THSD7B: variants seen among roughly 807,000 people sequenced by gnomAD.
The protein encoded by THSD7B is thrombospondin type 1 domain containing 7B, also known as thrombospondin type-1 domain-containing protein 7B.
In THSD7B, 138 loss-of-function variants were observed where a neutral mutation model predicts 213.6. The observed-to-expected ratio is 0.65, with a 90% confidence interval of 0.56 to 0.74. THSD7B has a LOEUF of 0.74. Ranked by LOEUF, THSD7B falls within the 30% of genes least tolerant of loss-of-function variation. THSD7B has a pLI of 0.00. For synonymous variants in THSD7B, 742 were observed against 687.0 expected, an observed-to-expected ratio of 1.08 and a Z score of -1.25; for missense variants, 1,931 against 1,991.5, an observed-to-expected ratio of 0.97 and a Z score of 0.58.
chr2:137,576,629 T>C (rs1681465758), intron 17 of THSD7B, among the ~76,000 whole-genome samples: 1 of 152,116 alleles, frequency 6.6e-6, no homozygotes, highest in Non-Finnish European at 1.5e-5. Context: ...TTCTGTGCTT[T>C]ATTCTTTTCT....
At position 136,943,149 on chromosome 2, in the gene THSD7B, T is replaced by C. The variant is rs527487087; in HGVS notation, c.139+60832T>C. Among the ~76,000 whole-genome samples, 5 of 152,366 alleles carry C rather than the reference T, an allele frequency of 3.3e-5. No homozygotes were observed. The South Asian group carries it at 8.3e-4, about 25-fold the overall frequency. On this transcript the variant is annotated intron_variant, in intron 2 of 27. Coordinates refer to ENST00000409968, the MANE Select transcript of THSD7B (RefSeq NM_001316349.2). Reference sequence around the variant, plus strand: ...TCTACTGAGATAATCATGTGGTTTTTGTCATTGGTTCTGTTTATGTGATGG... The same window carrying C: ...TCTACTGAGATAATCATGTGGTTTTCGTCATTGGTTCTGTTTATGTGATGG...
At chr2:136,939,677 G>T (rs1684788441) in intron 2 of THSD7B, among the ~76,000 whole-genome samples, 1 of 152,098 alleles carries the variant, frequency 6.6e-6, no homozygotes, top group Non-Finnish European at 1.5e-5. Flanking sequence ...ACCATGGTGT[G>T]CACATCTTTA....
intron 3 of THSD7B, among the ~76,000 whole-genome samples, chr2:137,094,533 G>A (rs1321993399): frequency 6.6e-6 from 1 of 151,738 alleles, no homozygotes; most frequent in East Asian, 2.0e-4. Flanking sequence ...ACTTCAGCCT[G>A]GGTGACAGAG....
At chr2:137,522,455 G>C (rs1680203433) in intron 15 of THSD7B, among the ~76,000 whole-genome samples, 1 of 152,100 alleles carries the variant, frequency 6.6e-6, no homozygotes, top group Admixed American at 6.5e-5. Flanking sequence ...CACATTTCTT[G>C]ACACAAAGGA....
At chr2:137,009,889 C>A (rs546647469) in intron 2 of THSD7B, among the ~76,000 whole-genome samples, 2 of 152,228 alleles carry the variant, frequency 1.3e-5, no homozygotes, top group African/African-American at 2.4e-5. Flanking sequence ...CTATGTCTGG[C>A]ACACAATTGA....
At chr2:137,461,117 G>A (rs1427580754) in intron 15 of THSD7B, among the ~76,000 whole-genome samples, 5 of 151,472 alleles carry the variant, frequency 3.3e-5, no homozygotes, top group Admixed American at 6.6e-5. Context: ...TTTTATTGTT[G>A]ATGGGCATTT....
At chr2:136,960,623 T>G (rs1334199675) in intron 2 of THSD7B, among the ~76,000 whole-genome samples, 1 of 152,206 alleles carries the variant, frequency 6.6e-6, no homozygotes, top group Admixed American at 6.5e-5. Flanking sequence ...TTTCAAACAA[T>G]AGCGTTAACA....
At chr2:137,338,219 G>A (rs749109719) in intron 12 of THSD7B, among the ~76,000 whole-genome samples, 1 of 152,000 alleles carries the variant, frequency 6.6e-6, no homozygotes, top group Non-Finnish European at 1.5e-5. Flanking sequence ...GGCCAGGTAG[G>A]CTTGCTCATA....
At chr2:136,844,522 C>G (rs1682975577) in intron 1 of THSD7B, among the ~76,000 whole-genome samples, 1 of 144,708 alleles carries the variant, frequency 6.9e-6, no homozygotes, top group South Asian at 2.2e-4. Flanking sequence ...CTGGTTTCTC[C>G]TTTTCTTTTG....
chr2:136,786,831 C>G (rs1423219272), intron 1 of THSD7B, among the ~76,000 whole-genome samples: 1 of 152,026 alleles, frequency 6.6e-6, no homozygotes, highest in Non-Finnish European at 1.5e-5. Flanking sequence ...AGTCATTCAC[C>G]TAATAATTTT....
At chr2:136,892,900 G>A (rs1054012244) in intron 2 of THSD7B, among the ~76,000 whole-genome samples, 1 of 152,068 alleles carries the variant, frequency 6.6e-6, no homozygotes, top group Non-Finnish European at 1.5e-5. Flanking sequence ...TTGCAAAGCC[G>A]CTTAGAGCTC....
chr2:137,221,434 C>T (rs540637633), intron 7 of THSD7B, among the ~76,000 whole-genome samples: 2 of 152,120 alleles, frequency 1.3e-5, no homozygotes, highest in East Asian at 1.9e-4. Flanking sequence ...TGTGCATTTG[C>T]CAGAACCCAT....
rs541352908 is a variant in THSD7B at position 137,311,443 on chromosome 2, G to A, written c.2500+35417G>A. The stretch of plus-strand genomic sequence containing the variant: ...GGTTTTCTAGTTATACAATCATGTC[G>A]TCTGCAGACAGGGACAATTTGACTT... On this transcript the variant is annotated intron_variant, in intron 12 of 27. Transcript: ENST00000409968. 6.3e-4 allele frequency among the ~76,000 whole-genome samples: 96 copies of A among 152,132 alleles called. 4 individuals are homozygous for A. The highest frequency in any genetic ancestry group is 4.3e-3 in the Admixed American group (65 of 15,274).
At chr2:137,066,538 T>A (rs1197381985) in intron 3 of THSD7B, among the ~76,000 whole-genome samples, 1 of 152,116 alleles carries the variant, frequency 6.6e-6, no homozygotes, top group Non-Finnish European at 1.5e-5. Flanking sequence ...GCATAGTTTG[T>A]GAACAGAAGT....
chr2:137,060,824 T>C (rs563886462), intron 3 of THSD7B, among the ~76,000 whole-genome samples: 13 of 152,058 alleles, frequency 8.5e-5, no homozygotes, highest in Admixed American at 7.9e-4. Context: ...CTATGTGTTG[T>C]CTGCAGTGAA....
intron 15 of THSD7B, among the ~76,000 whole-genome samples, chr2:137,501,919 A>C (rs7596326): frequency 1.3e-5 from 2 of 152,212 alleles, no homozygotes; most frequent in Non-Finnish European, 2.9e-5. Flanking sequence ...GAAGTGCTTT[A>C]TCCGCTGTGA....
At chr2:137,373,386 T>C (rs1305654412) in intron 12 of THSD7B, among the ~76,000 whole-genome samples, 37 of 152,220 alleles carry the variant, frequency 2.4e-4, no homozygotes, top group African/African-American at 8.4e-4. Context: ...TAATGATTGC[T>C]CTTCTAACTG....
At chr2:137,447,841 C>T (rs1441929211) in intron 14 of THSD7B, among the ~76,000 whole-genome samples, 2 of 151,732 alleles carry the variant, frequency 1.3e-5, no homozygotes, top group African/African-American at 4.8e-5. Context: ...TCTGAAAGAG[C>T]CTGTAGACCA....
chr2:137,477,528 T>C (rs551073852), intron 15 of THSD7B, among the ~76,000 whole-genome samples: 4 of 151,780 alleles, frequency 2.6e-5, no homozygotes, highest in African/African-American at 9.6e-5. Context: ...ATTTGATTAT[T>C]ATTTATATTA....
Sources: gnomAD v4.1 joint callset for allele counts (sites outside exome capture counted in the v4.1 genomes callset) on GRCh38, gnomAD v4.1.1 for gene constraint, MANE v1.5 for transcripts, NCBI Gene and HGNC (gene_info 2026-07-23, HGNC 2026-07-21) for gene names.